The following CLEC16A variants were observed in gnomAD, a reference collection of about 807,000 sequenced individuals.
CLEC16A encodes protein CLEC16A.
Under a neutral mutation model 109.5 loss-of-function variants are expected in CLEC16A, and 51 were observed. The ratio of observed to expected loss-of-function variants is 0.47; its 90% CI spans 0.37 to 0.59. The LOEUF is 0.59. Among genes scored for constraint, CLEC16A ranks in the 20% least tolerant of loss-of-function variants. The probability of loss-of-function intolerance (pLI) is 0.00; values close to 1 mark genes in which losing one functional copy is unlikely to be tolerated. For synonymous variants in CLEC16A, 673 were observed against 564.2 expected (o/e 1.19, Z -2.73); for missense variants, 1,339 against 1,394.0 (o/e 0.96, Z 0.63).
chr16:11,172,481 G>A (rs78766743), intron 23 of CLEC16A, among the ~76,000 whole-genome samples: 1 of 152,216 alleles, frequency 6.6e-6, no homozygotes, highest in African/African-American at 2.4e-5. Flanking sequence ...CTACCTTGGG[G>A]AAGACAGAAA....
chr16:11,093,565 C>T (rs2050437196), intron 19 of CLEC16A, among the ~76,000 whole-genome samples: 1 of 152,202 alleles, frequency 6.6e-6, no homozygotes, highest in Non-Finnish European at 1.5e-5. Context: ...TACCGCCTGG[C>T]ACTGAGGAGT....
intron 10 of CLEC16A, among the ~76,000 whole-genome samples, chr16:11,000,869 TC>T (rs2044628478): frequency 1.3e-5 from 2 of 152,208 alleles, no homozygotes; most frequent in Admixed American, 6.5e-5. Flanking sequence ...GGTACGGTGT[TC>T]CCCAGCATAT....
At chr16:11,028,240 C>T (rs1173059380) in intron 13 of CLEC16A, among the ~76,000 whole-genome samples, 1 of 152,198 alleles carries the variant, frequency 6.6e-6, no homozygotes, top group African/African-American at 2.4e-5. Context: ...TGTCAAGCAC[C>T]TCTCATCAGA....
rs1272250038 is a variant in CLEC16A, at chr16:11,174,970, G to A, written c.2807-3365G>A. Among the ~76,000 whole-genome samples, 1 of 152,200 alleles carries A rather than the reference G, an allele frequency of 6.6e-6. No homozygotes were observed. Among genetic ancestry groups the A allele is most frequent in the South Asian group, 2.1e-4 (1 of 4,830 alleles). The stretch of plus-strand genomic sequence containing the variant: ...ACGCTTCTTCTGTGGTTTCTGATGC[G>A]CTTTTCTCCATTGGCCGTTGCGCTT... On this transcript the variant is annotated intron_variant, in intron 23 of 23. Coordinates refer to ENST00000409790, the MANE Select transcript of CLEC16A (RefSeq NM_015226.3). This position sits in a 1 kb window ranked among gnomAD's most constrained non-coding sequence, Gnocchi z 4.7.
intron 10 of CLEC16A, among the ~76,000 whole-genome samples, chr16:10,997,754 T>C (rs2044417224): frequency 6.6e-6 from 1 of 152,260 alleles, no homozygotes; most frequent in African/African-American, 2.4e-5. Flanking sequence ...TCTCAGTTTG[T>C]ATATTCTTCC....
chr16:11,081,464 A>AG (rs2049713335), intron 19 of CLEC16A, among the ~76,000 whole-genome samples: 1 of 152,062 alleles, frequency 6.6e-6, no homozygotes, highest in African/African-American at 2.4e-5. Context: ...TGGCGCCTCC[A>AG]GGTAGGGCTC....
chr16:11,057,967 A>G (rs2048294047), intron 18 of CLEC16A, among the ~76,000 whole-genome samples: 1 of 152,248 alleles, frequency 6.6e-6, no homozygotes, highest in African/African-American at 2.4e-5. Flanking sequence ...GCGGCAGGCC[A>G]TGGGGAATCA....
chr16:11,020,517 G>T (rs544361281), intron 12 of CLEC16A, among the ~76,000 whole-genome samples, 192 bp downstream of exon 12: 121 of 151,884 alleles, frequency 8.0e-4, no homozygotes, highest in African/African-American at 2.9e-3. Context: ...ACACTGTAAT[G>T]CTCACTCCTT....
intron 19 of CLEC16A, among the ~76,000 whole-genome samples, chr16:11,087,933 C>A (rs895402628): frequency 6.6e-6 from 1 of 152,238 alleles, no homozygotes; most frequent in Non-Finnish European, 1.5e-5. Context: ...GCTGTGCAGC[C>A]GCCCTGGGCT....
chr16:11,114,977 C>G (rs969017085), intron 19 of CLEC16A, among the ~76,000 whole-genome samples: 1 of 152,232 alleles, frequency 6.6e-6, no homozygotes, highest in East Asian at 1.9e-4. Flanking sequence ...TCTCACAGGG[C>G]TTTGATGTCT....
intron 22 of CLEC16A, among the ~76,000 whole-genome samples, chr16:11,156,156 G>C (rs900532926): frequency 6.6e-6 from 1 of 152,180 alleles, no homozygotes; most frequent in Non-Finnish European, 1.5e-5. Context: ...GAGGTCAGGA[G>C]TTTGAGACCA....
chr16:11,092,797 ACT>A (rs1009671264), intron 19 of CLEC16A, among the ~76,000 whole-genome samples: 38 of 152,130 alleles, frequency 2.5e-4, no homozygotes, highest in Admixed American at 1.8e-3. Context: ...AGCTTCTGAA[ACT>A]CTGTGGGCCT....
In CLEC16A at chr16:11,173,335, C is replaced by T. The variant is rs78691287; in HGVS notation, c.2807-5000C>T. Among the ~76,000 whole-genome samples, 1,219 of 152,238 alleles carry T rather than the reference C, an allele frequency of 8.0e-3. 15 individuals are homozygous for T. The highest frequency in any genetic ancestry group is 0.027 in the African/African-American group (1,136 of 41,520). On this transcript the variant is annotated intron_variant, in intron 23 of 23. Transcript: ENST00000409790. The stretch of plus-strand genomic sequence containing the variant: ...ACCTTCACATTGTAGTGCTCTATGG[C>T]GTCACATTCAAGCTGTGTGCTCACC...
In CLEC16A at chr16:11,155,658, T is replaced by C. The variant is rs543676608; in HGVS notation, c.2642-10730T>C. ...CTGACTCACATAGTTCCAGATAGTA[T>C]CTTCAGTTCTTGTTGTAGATGATGT... On this transcript the variant is annotated intron_variant, in intron 22 of 23. Transcript: ENST00000409790. 1.4e-3 allele frequency among the ~76,000 whole-genome samples: 211 copies of C among 152,362 alleles called. 1 individual carries two copies. The highest frequency in any genetic ancestry group is 4.7e-3 in the African/African-American group (197 of 41,594).
At chr16:11,085,250 G>C (rs1829029094) in intron 19 of CLEC16A, among the ~76,000 whole-genome samples, 1 of 152,258 alleles carries the variant, frequency 6.6e-6, no homozygotes, top group African/African-American at 2.4e-5. Flanking sequence ...TGTCAGAGAA[G>C]AATGTGACAG....
At chr16:11,014,666 G>T (rs1245149636) in intron 11 of CLEC16A, among the ~76,000 whole-genome samples, 1 of 152,240 alleles carries the variant, frequency 6.6e-6, no homozygotes, top group Non-Finnish European at 1.5e-5. Flanking sequence ...CTGAGGTTCA[G>T]TCAGAGCCCC....
intron 10 of CLEC16A, among the ~76,000 whole-genome samples, chr16:10,988,565 T>C (rs2043809510): frequency 1.3e-5 from 2 of 152,218 alleles, no homozygotes; most frequent in Non-Finnish European, 2.9e-5. Context: ...TTGTAATGAC[T>C]CTCAGAGCAG....
chr16:11,031,441 G>T (rs573573116), intron 13 of CLEC16A, among the ~76,000 whole-genome samples: 1 of 152,188 alleles, frequency 6.6e-6, no homozygotes, highest in African/African-American at 2.4e-5. Flanking sequence ...CATCTTATGC[G>T]CTGGAGAGAC....
intron 14 of CLEC16A, 93 bp from the exon 15 acceptor site, chr16:11,042,161 T>A: frequency 2.2e-6 from 2 of 906,632 alleles, no homozygotes; most frequent in Non-Finnish European, 3.5e-6. Context: ...GTCTATCATG[T>A]GACCTGCTAG....
Sources: gnomAD v4.1 joint callset for allele counts (sites outside exome capture counted in the v4.1 genomes callset) on GRCh38, gnomAD v4.1.1 for gene constraint, Gnocchi (gnomAD v3.1) non-coding constraint, MANE v1.5 for transcripts, NCBI Gene and HGNC (gene_info 2026-07-23, HGNC 2026-07-21) for gene names.